The following MACROD2 variants were observed in gnomAD, a reference collection of about 807,000 sequenced individuals.
The protein encoded by MACROD2 is mono-ADP ribosylhydrolase 2.
A neutral mutation model predicts 70.4 loss-of-function variants in MACROD2; 36 were observed. The ratio of observed to expected loss-of-function variants is 0.51; its 90% CI spans 0.39 to 0.68. The LOEUF is 0.68. MACROD2 is among the 30% of genes least tolerant of loss of function. The pLI, the probability that MACROD2 is intolerant of heterozygous loss-of-function variation, is 0.00. For synonymous variants in MACROD2, 172 were observed against 178.8 expected (o/e 0.96, Z 0.30); for missense variants, 496 against 538.4 (o/e 0.92, Z 0.78).
intron 5 of MACROD2, among the ~76,000 whole-genome samples, chr20:14,710,197 C>T (rs920202480): frequency 2.0e-5 from 3 of 152,070 alleles, no homozygotes; most frequent in Non-Finnish European, 2.9e-5. Context: ...GTGGCCAAAG[C>T]AGAGATTTCA....
chr20:15,555,046 A>G (rs1293064607), intron 8 of MACROD2, among the ~76,000 whole-genome samples: 2 of 152,200 alleles, frequency 1.3e-5, no homozygotes, highest in Non-Finnish European at 2.9e-5. Flanking sequence ...TTGATTTTAT[A>G]CCTTAGGATA....
At chr20:15,165,514 T>A (rs2076377751) in intron 5 of MACROD2, among the ~76,000 whole-genome samples, 1 of 152,144 alleles carries the variant, frequency 6.6e-6, no homozygotes, top group African/African-American at 2.4e-5. Context: ...ACAAATAGGA[T>A]CCTTGGGGAA....
chr20:14,633,918 G>A (rs1338581119), intron 4 of MACROD2, among the ~76,000 whole-genome samples: 2 of 152,104 alleles, frequency 1.3e-5, no homozygotes, highest in African/African-American at 4.8e-5. Context: ...ACACTACCAT[G>A]GCCATCTAAT....
At chr20:15,486,010 A>G (rs1452775631) in intron 7 of MACROD2, among the ~76,000 whole-genome samples, 1 of 152,214 alleles carries the variant, frequency 6.6e-6, no homozygotes, top group Non-Finnish European at 1.5e-5. Flanking sequence ...AATCCACTGT[A>G]TAGCAATTTG....
Position 14,020,227 on chromosome 20 carries a change from C to T in MACROD2, c.163+17823C>T, listed in dbSNP as rs563940584. On this transcript the variant is annotated intron_variant, in intron 2 of 17. Transcript: ENST00000684519. ...GTGGCTCATGCCTGTAATCCCAGCA[C>T]TTTGGGAGGCCGAGGCAGGCGTATC... Among the ~76,000 whole-genome samples the T allele has an allele frequency of 1.2e-4, 19 of 152,276 alleles. No homozygotes were observed. The East Asian group carries it at 3.5e-3, about 28-fold the overall frequency.
At chr20:15,000,331 GA>G (rs2074983089) in intron 5 of MACROD2, among the ~76,000 whole-genome samples, 1 of 149,886 alleles carries the variant, frequency 6.7e-6, no homozygotes, top group Admixed American at 6.6e-5. Flanking sequence ...ACTTCATCAA[GA>G]GGTAGAAACG....
chr20:14,316,344 A>T (rs918600451), intron 3 of MACROD2, among the ~76,000 whole-genome samples: 1 of 152,218 alleles, frequency 6.6e-6, no homozygotes, highest in Non-Finnish European at 1.5e-5. Flanking sequence ...AAACGTTTTG[A>T]GATTTAATCC....
intron 3 of MACROD2, among the ~76,000 whole-genome samples, chr20:14,465,152 A>G (rs897007324): frequency 2.6e-5 from 4 of 151,994 alleles, no homozygotes; most frequent in African/African-American, 9.7e-5. Flanking sequence ...GTCTCCCATT[A>G]TTAATGTGTG....
At chr20:14,569,875 A>T (rs1371084741) in intron 4 of MACROD2, among the ~76,000 whole-genome samples, 1 of 151,982 alleles carries the variant, frequency 6.6e-6, no homozygotes, top group African/African-American at 2.4e-5. Flanking sequence ...AATAGTTAAA[A>T]TGAAAAAAAA....
chr20:15,608,697 C>T (rs1424580805), intron 8 of MACROD2, among the ~76,000 whole-genome samples: 1 of 152,188 alleles, frequency 6.6e-6, no homozygotes, highest in Non-Finnish European at 1.5e-5. Context: ...CATAATTGAT[C>T]CTAGGACACT....
At chr20:15,558,352 C>A (rs1480900875) in intron 8 of MACROD2, among the ~76,000 whole-genome samples, 1 of 152,236 alleles carries the variant, frequency 6.6e-6, no homozygotes. Flanking sequence ...CCAGCACCTT[C>A]CCTCCTGCAC....
At chr20:15,581,004 G>T (rs1393977858) in intron 8 of MACROD2, among the ~76,000 whole-genome samples, 2 of 152,136 alleles carry the variant, frequency 1.3e-5, no homozygotes, top group African/African-American at 4.8e-5. Flanking sequence ...TGCAACATGA[G>T]TTCAGTCAAT....
chr20:15,106,322 T>G (rs1439612663), intron 5 of MACROD2, among the ~76,000 whole-genome samples: 1 of 152,154 alleles, frequency 6.6e-6, no homozygotes, highest in African/African-American at 2.4e-5. Flanking sequence ...TTACACATAT[T>G]GTAATGTAGG....
intron 5 of MACROD2, among the ~76,000 whole-genome samples, chr20:14,957,508 C>CGT (rs2074547485): frequency 6.6e-6 from 1 of 152,144 alleles, no homozygotes; most frequent in Non-Finnish European, 1.5e-5. Flanking sequence ...TCACCAGCCA[C>CGT]AGCCCATTCC....
intron 4 of MACROD2, among the ~76,000 whole-genome samples, chr20:14,546,637 C>T (rs2085494146): frequency 6.6e-6 from 1 of 152,132 alleles, no homozygotes; most frequent in African/African-American, 2.4e-5. Flanking sequence ...ACTCTTCCCC[C>T]TACCTGGATG....
At chr20:15,550,344 T>TAAA (rs1294406506) in intron 8 of MACROD2, among the ~76,000 whole-genome samples, 2 of 137,242 alleles carry the variant, frequency 1.5e-5, no homozygotes, top group African/African-American at 2.9e-5. Context: ...GAAATATTTA[T>TAAA]TATTCAGATA....
At chr20:14,924,649 C>T (rs770854920) in intron 5 of MACROD2, among the ~76,000 whole-genome samples, 1 of 152,036 alleles carries the variant, frequency 6.6e-6, no homozygotes, top group Non-Finnish European at 1.5e-5. Flanking sequence ...CTTTAGTCTG[C>T]ACCAAGACAC....
chr20:14,521,533 T>A (rs1568652139), intron 4 of MACROD2, among the ~76,000 whole-genome samples: 1 of 152,216 alleles, frequency 6.6e-6, no homozygotes, highest in Non-Finnish European at 1.5e-5. Context: ...ATGACTATAT[T>A]ATTTTTTTCT....
At chr20:14,044,906 G>T (rs1013110206) in intron 2 of MACROD2, among the ~76,000 whole-genome samples, 1 of 152,202 alleles carries the variant, frequency 6.6e-6, no homozygotes, top group Non-Finnish European at 1.5e-5. Context: ...CTCGGGCCAC[G>T]CAGGAGCCCA....
Sources: gnomAD v4.1 joint callset for allele counts (sites outside exome capture counted in the v4.1 genomes callset) on GRCh38, gnomAD v4.1.1 for gene constraint, MANE v1.5 for transcripts, NCBI Gene and HGNC (gene_info 2026-07-23, HGNC 2026-07-21) for gene names.